The following VTI1A variants were observed in gnomAD, a reference collection of about 807,000 sequenced individuals.
VTI1A encodes vesicle transport through interaction with t-SNAREs 1A.
VTI1A carries 22 observed loss-of-function variants against 34.9 expected under a neutral mutation model. That is an observed-to-expected ratio of 0.63 (90% CI 0.45 to 0.90). The LOEUF is 0.90. VTI1A is among the 40% of genes least tolerant of loss of function. The pLI is 0.00. For synonymous variants in VTI1A, 87 were observed against 97.3 expected (o/e 0.89, Z 0.62); for missense variants, 268 against 275.6 (o/e 0.97, Z 0.20).
chr10:112,810,970 T>A (rs1444588150), intron 7 of VTI1A, among the ~76,000 whole-genome samples: 2 of 152,004 alleles, frequency 1.3e-5, no homozygotes, highest in African/African-American at 2.4e-5. Flanking sequence ...AAAAATCTTA[T>A]CAGTCTTCAT....
intron 7 of VTI1A, among the ~76,000 whole-genome samples, chr10:112,676,390 AG>A (rs1275132588): frequency 6.6e-6 from 1 of 151,944 alleles, no homozygotes; most frequent in Admixed American, 6.6e-5. Flanking sequence ...CTGTTTAGGG[AG>A]GGGGGGCTCC....
rs763455714 is a variant in VTI1A at position 112,761,666 on chromosome 10, C to T, written c.561-53624C>T. ...ATCCTATAAGCTAGAAAAATAAGTT[C>T]GATTTTACACAACTGAGTTTGGAAA... On this transcript the variant is annotated intron_variant, in intron 7 of 7. Coordinates refer to ENST00000393077, the MANE Select transcript of VTI1A (RefSeq NM_145206.4). Among the ~76,000 whole-genome samples, 162 of 151,934 alleles carry T rather than the reference C, an allele frequency of 1.1e-3. 1 individual carries two copies. The highest frequency in any genetic ancestry group is 2.0e-3 in the Non-Finnish European group (138 of 67,984).
intron 7 of VTI1A, among the ~76,000 whole-genome samples, chr10:112,795,846 T>C (rs1036264139): frequency 6.6e-6 from 1 of 152,138 alleles, no homozygotes; most frequent in Non-Finnish European, 1.5e-5. Flanking sequence ...ATATATGTAA[T>C]AAGATACGGT....
chr10:112,661,589 A>G (rs945790842), intron 5 of VTI1A, among the ~76,000 whole-genome samples: 2 of 151,988 alleles, frequency 1.3e-5, no homozygotes, highest in Non-Finnish European at 2.9e-5. Flanking sequence ...TTTTTATTTC[A>G]TCTTAATTTT....
At chr10:112,830,817 A>G in the VTI1A span, among the ~76,000 whole-genome samples, 1 of 103,154 alleles carries the variant, frequency 9.7e-6, no homozygotes, top group African/African-American at 3.8e-5. Context: ...CTTCCCTAAA[A>G]CCCTCATATA....
intron 3 of VTI1A, among the ~76,000 whole-genome samples, chr10:112,522,689 T>C (rs987011557): frequency 3.3e-5 from 5 of 152,064 alleles, no homozygotes; most frequent in Non-Finnish European, 7.4e-5. Flanking sequence ...TTTGAGATGG[T>C]TTCCTCTCCT....
At chr10:112,608,905 G>C (rs1845187748) in intron 5 of VTI1A, among the ~76,000 whole-genome samples, 1 of 152,020 alleles carries the variant, frequency 6.6e-6, no homozygotes, top group Admixed American at 6.5e-5. Context: ...ATCTTAATTA[G>C]CATGTGTCTG....
chr10:112,547,172 T>G (rs1851161918), intron 5 of VTI1A, among the ~76,000 whole-genome samples: 1 of 152,006 alleles, frequency 6.6e-6, no homozygotes, highest in South Asian at 2.1e-4. Flanking sequence ...CCCAGCTACT[T>G]GGGAGGCTGA....
At chr10:112,540,850 G>T (rs1245191813) in intron 5 of VTI1A, among the ~76,000 whole-genome samples, 1 of 152,162 alleles carries the variant, frequency 6.6e-6, no homozygotes, top group Non-Finnish European at 1.5e-5. Flanking sequence ...AAAGACTATG[G>T]AATGCAAGGA....
At chr10:112,458,864 C>T (rs1847635396) in intron 1 of VTI1A, among the ~76,000 whole-genome samples, 2 of 151,958 alleles carry the variant, frequency 1.3e-5, no homozygotes. Flanking sequence ...GACGGGGTTT[C>T]ACTATGTTTG....
chr10:112,702,092 TGTAG>T (rs1849028041), intron 7 of VTI1A, among the ~76,000 whole-genome samples: 1 of 152,174 alleles, frequency 6.6e-6, no homozygotes, highest in Non-Finnish European at 1.5e-5. Context: ...GGCCTCCTTG[TGTAG>T]GTGGACTTTG....
chr10:112,487,999 T>A (rs1848700882), intron 3 of VTI1A, among the ~76,000 whole-genome samples: 1 of 152,190 alleles, frequency 6.6e-6, no homozygotes, highest in Non-Finnish European at 1.5e-5. Flanking sequence ...AAAGAAATGT[T>A]CAAATAACTG....
intron 7 of VTI1A, chr10:112,677,506 C>G: frequency 6.6e-6 from 1 of 152,246 alleles, no homozygotes; most frequent in East Asian, 1.9e-4. Context: ...TTACAGCTCC[C>G]CCACAGTATT....
intron 5 of VTI1A, among the ~76,000 whole-genome samples, chr10:112,610,811 C>G (rs1430729901): frequency 6.6e-6 from 1 of 151,980 alleles, no homozygotes; most frequent in African/African-American, 2.4e-5. Flanking sequence ...CCCAGCAACT[C>G]GGGAAGCTGA....
chr10:112,464,035 CCTAGA>C (rs1167314431), intron 2 of VTI1A, among the ~76,000 whole-genome samples: 26 of 152,154 alleles, frequency 1.7e-4, no homozygotes, highest in African/African-American at 6.0e-4. Context: ...TGCTCTCTCA[CCTAGA>C]CTGGAAGGAG....
At chr10:112,719,597 A>T (rs1363894442) in intron 7 of VTI1A, among the ~76,000 whole-genome samples, 1 of 151,534 alleles carries the variant, frequency 6.6e-6, no homozygotes, top group Middle Eastern at 3.2e-3. Flanking sequence ...CCCAGGCTGC[A>T]GTGCAATGGT....
chr10:112,491,904 G>T lies in VTI1A; in HGVS notation c.264+27247G>T, dbSNP rs1306721243. ...TCCTAAGCCTCCGCCTCTTCCCTCA[G>T]CCAGTGGTTCTCAATTTTGGCAGCA... On this transcript the variant is annotated intron_variant, in intron 3 of 7. Coordinates refer to ENST00000393077, the MANE Select transcript of VTI1A (RefSeq NM_145206.4). 3.3e-5 allele frequency among the ~76,000 whole-genome samples: 5 copies of T among 152,290 alleles called. 1 individual carries two copies. Among genetic ancestry groups the T allele is most frequent in the Admixed American group, 3.3e-4 (5 of 15,294 alleles).
chr10:112,750,545 A>T (rs1023951831), intron 7 of VTI1A, among the ~76,000 whole-genome samples: 6 of 151,882 alleles, frequency 4.0e-5, no homozygotes, highest in African/African-American at 1.5e-4. Context: ...CTTGTGCAAC[A>T]CTCTAATGGC....
intron 5 of VTI1A, among the ~76,000 whole-genome samples, chr10:112,569,848 C>G (rs750493792): frequency 1.3e-5 from 2 of 152,196 alleles, no homozygotes; most frequent in Non-Finnish European, 2.9e-5. Flanking sequence ...ACTTGAGAAG[C>G]ATATTAACTT....
Sources: allele counts gnomAD v4.1 joint callset (sites outside exome capture counted in the v4.1 genomes callset), GRCh38; gene constraint gnomAD v4.1.1; transcripts MANE v1.5; gene names NCBI Gene and HGNC (gene_info 2026-07-23, HGNC 2026-07-21).